Variants in AKAP1 observed in about 807,000 individuals in gnomAD.
AKAP1 encodes A-kinase anchor protein 1, mitochondrial.
AKAP1 carries 32 observed loss-of-function variants against 79.8 expected under a neutral mutation model. The observed-to-expected ratio is 0.40, with a 90% confidence interval of 0.30 to 0.54. The LOEUF (loss-of-function observed/expected upper bound fraction) is 0.54. AKAP1 is among the 20% of genes least tolerant of loss of function. The probability of loss-of-function intolerance (pLI) is 0.47; values close to 1 mark genes in which losing one functional copy is unlikely to be tolerated. For synonymous variants in AKAP1, 416 were observed against 466.7 expected (o/e 0.89, Z 1.40); for missense variants, 961 against 1,138.9 (o/e 0.84, Z 2.25).
chr17:57,099,744 G>A (rs1242950438), intron 1 of AKAP1, among the ~76,000 whole-genome samples: 4 of 152,180 alleles, frequency 2.6e-5, no homozygotes, highest in African/African-American at 9.7e-5. Flanking sequence ...GCAGAGATGG[G>A]TGTTGTGGCC....
Position 57,106,242 on chromosome 17 carries a change from G to A in AKAP1, c.778G>A (p.Glu260Lys). ...CCAGGTGGTGGGGCCAGTGCAGGAG[G>A]AAGAGTATGTAGCAGAGAAGTTGCC... Reference protein sequence around the residue: ...SSQVVGPVQEEEYVAEKLPSR... With the variant: ...SSQVVGPVQEKEYVAEKLPSR... Residue 260 changes from glutamate to lysine, a missense_variant, in exon 2 of 11, where the codon GAA (glutamate) becomes AAA (lysine). Coordinates refer to ENST00000337714, the MANE Select transcript of AKAP1 (RefSeq NM_003488.4). 6.2e-7 allele frequency: 1 copy of A among 1,614,214 alleles called. No homozygotes were observed. The highest frequency in any genetic ancestry group is 8.5e-7 in the Non-Finnish European group (1 of 1,180,040).
intron 2 of AKAP1, among the ~76,000 whole-genome samples, chr17:57,109,413 G>A (rs980188185): frequency 6.6e-6 from 1 of 152,214 alleles, no homozygotes; most frequent in African/African-American, 2.4e-5. Context: ...TCAGGCCTAA[G>A]CAAAGGGAAA....
intron 3 of AKAP1, among the ~76,000 whole-genome samples, chr17:57,111,295 C>T (rs906461381): frequency 2.6e-5 from 4 of 152,210 alleles, no homozygotes; most frequent in African/African-American, 9.7e-5. Context: ...CACTTGGCAG[C>T]GGGAGCCCAG....
chr17:57,106,949 C>T lies in AKAP1; in HGVS notation c.1485C>T (p.Ser495=). 6.2e-7 allele frequency: 1 copy of T among 1,614,060 alleles called. No homozygotes were observed. The highest frequency in any genetic ancestry group is 8.5e-7 in the Non-Finnish European group (1 of 1,179,892). Reference sequence around the variant, plus strand: ...GTGTCACCTGCATGTCAGACAGCAGCCAAAGTGTCCCTTTGGTGGCTTCTC... The same window carrying T: ...GTGTCACCTGCATGTCAGACAGCAGTCAAAGTGTCCCTTTGGTGGCTTCTC... ...ATCVTCMSDS[S]QSVPLVASPG... The change falls in exon 2 of 11, where the codon AGC becomes AGT. Residue 495 remains serine, a synonymous_variant. Transcript: ENST00000337714.
intron 3 of AKAP1, among the ~76,000 whole-genome samples, chr17:57,110,474 C>T (rs7211477): frequency 0.01 from 1,580 of 152,240 alleles, 30 homozygotes; most frequent in African/African-American, 0.035. Flanking sequence ...AAAAAAACAC[C>T]AAGGCCGTGG....
At position 57,103,265 on chromosome 17, in the gene AKAP1, A is replaced by G. The variant is rs1914639489; in HGVS notation, c.-24-2176A>G. 2.0e-5 allele frequency among the ~76,000 whole-genome samples: 3 copies of G among 152,248 alleles called. 1 individual carries two copies. The South Asian group carries it at 6.2e-4, about 32-fold the overall frequency. ...ATCTTTAAAGATATAGGGACTTTCA[A>G]ATGGAGGTGACCTTCTCACTACCAC... On this transcript the variant is annotated intron_variant, in intron 1 of 10. Transcript: ENST00000337714.
At chr17:57,100,761 A>G (rs1465281949) in intron 1 of AKAP1, among the ~76,000 whole-genome samples, 2 of 152,034 alleles carry the variant, frequency 1.3e-5, no homozygotes, top group Non-Finnish European at 2.9e-5. Context: ...TCCCCTATCC[A>G]TTGCAGCCTT....
rs527535254 is a variant in AKAP1 at position 57,114,626 on chromosome 17, C to A, written c.2271C>A (p.Thr757=). The A allele has an allele frequency of 3.1e-6, 5 of 1,613,872 alleles. No individual in the cohort carries two copies. Among genetic ancestry groups the A allele is most frequent in the Non-Finnish European group, 3.4e-6 (4 of 1,179,934 alleles). ...YSQPGIPTLP[T]PVEITVICAA... is the part of the protein sequence containing the mutation. Reference sequence around the variant, plus strand: ...AGCCTGGAATCCCCACCTTGCCCACCCCAGTGGAAAGTAAGCAGTGCCCTG... The same window carrying A: ...AGCCTGGAATCCCCACCTTGCCCACACCAGTGGAAAGTAAGCAGTGCCCTG... The change falls in exon 6 of 11, where the codon ACC becomes ACA. Residue 757 remains threonine (T), a synonymous_variant. Coordinates refer to ENST00000337714, the MANE Select transcript of AKAP1 (RefSeq NM_003488.4).
Position 57,118,976 on chromosome 17 carries a change from C to G in AKAP1, c.2575-6C>G. On this transcript the variant is annotated splice_polypyrimidine_tract_variant and splice_region_variant and intron_variant, in intron 9 of 10. Coordinates refer to ENST00000337714, the MANE Select transcript of AKAP1 (RefSeq NM_003488.4). The stretch of plus-strand genomic sequence containing the variant: ...CCATATTATTCTTTCCACCCCCCTT[C>G]TTCAGGTGACAAGTTACAGTCCAAC... 1 of 1,613,292 alleles carries G rather than the reference C, an allele frequency of 6.2e-7. No individual in the cohort carries two copies. Among genetic ancestry groups the G allele is most frequent in the Non-Finnish European group, 8.5e-7 (1 of 1,179,296 alleles).
At chr17:57,120,101 C>T in intron 10 of AKAP1, 149 bp from the exon 11 acceptor site, 2 of 636,708 alleles carry the variant, frequency 3.1e-6, no homozygotes, top group Non-Finnish European at 5.4e-6. Context: ...GCTAGGATTA[C>T]AGGCATGAGC....
rs939853226 is a variant in AKAP1, at chr17:57,086,401, C to A, written c.-25+1003C>A. ...GGGATAGGAGAAGAAAGGTGCTGATCGTGGTAGGCGGTGCTGTGGCGACTC... is the reference window on the plus strand; with the variant it reads ...GGGATAGGAGAAGAAAGGTGCTGATAGTGGTAGGCGGTGCTGTGGCGACTC... On this transcript the variant is annotated intron_variant, in intron 1 of 10. Transcript: ENST00000337714. This position sits in a 1 kb window ranked among gnomAD's most constrained non-coding sequence, Gnocchi z 5.1. 4 of 455,768 alleles carry A rather than the reference C, an allele frequency of 8.8e-6. No homozygotes were observed. In the Admixed American group the frequency reaches 9.4e-5, roughly 11 times the overall value. The allele number at this position is 455,768 out of a possible 1,614,324, so 28.2% of individuals were successfully genotyped here.
intron 1 of AKAP1, among the ~76,000 whole-genome samples, chr17:57,089,236 C>T (rs895815378): frequency 2.0e-5 from 3 of 152,124 alleles, no homozygotes; most frequent in African/African-American, 7.2e-5. Context: ...TGTGTTTGGG[C>T]TGGGGAGCAC....
chr17:57,109,122 G>A (rs1308887371), intron 2 of AKAP1, among the ~76,000 whole-genome samples: 1 of 152,224 alleles, frequency 6.6e-6, no homozygotes, highest in Admixed American at 6.5e-5. Flanking sequence ...TATACTCAGG[G>A]TTTGGAGAAA....
At position 57,107,103 on chromosome 17, in the gene AKAP1, G is replaced by T; in HGVS notation, c.1639G>T (p.Val547Leu). 1.2e-6 allele frequency: 2 copies of T among 1,614,168 alleles called. No homozygotes were observed. The highest frequency in any genetic ancestry group is 1.7e-6 in the Non-Finnish European group (2 of 1,180,012). The part of the protein sequence containing the change: ...PESTVPFSNG[V>L]LKGELSDLGA... ...AAGTACTGTGCCCTTCAGCAATGGG[G>T]TGCTGAAGGGGGAGTTGTCAGACTT... Residue 547 changes from valine (V) to leucine (L), a missense_variant, in exon 2 of 11, where the codon GTG becomes TTG. Val to Leu is a conservative substitution (Grantham distance 32). Transcript: ENST00000337714.
rs1245430290 is a variant in AKAP1 at position 57,105,751 on chromosome 17, T to C, written c.287T>C (p.Leu96Pro). The C allele has an allele frequency of 6.2e-7, 1 of 1,614,046 alleles. No individual in the cohort carries two copies. Among genetic ancestry groups the C allele is most frequent in the Non-Finnish European group, 8.5e-7 (1 of 1,180,020 alleles). Residue 96 changes from leucine to proline, a missense_variant, in exon 2 of 11, where the codon CTC becomes CCC. Around this residue, in one of 3 missense-constraint regions of AKAP1, gnomAD observed 108 missense variants for 147.6 expected, o/e 0.73. Coordinates refer to ENST00000337714, the MANE Select transcript of AKAP1 (RefSeq NM_003488.4). ...CTGCCTGCAGAGCCCCCAGCATTGC[T>C]CCAGACACACCCACCTTGCCGAAGA... ...SKLPAEPPALLQTHPPCRRSE... is the reference protein window; with the variant it reads ...SKLPAEPPALPQTHPPCRRSE...
At position 57,105,626 on chromosome 17, in the gene AKAP1, C is replaced by G; in HGVS notation, c.162C>G (p.Ile54Met). ...GAVQLRADPA[I>M]KEPLPVEDVC... ...TGCAGCTGAGGGCTGACCCTGCCAT[C>G]AAGGAACCTCTCCCCGTGGAAGACG... is the stretch of plus-strand genomic sequence containing the variant. Residue 54 changes from isoleucine (I) to methionine (M), a missense_variant, in exon 2 of 11, where the codon ATC (isoleucine) becomes ATG (methionine). By Grantham distance (10) the Ile-to-Met change is conservative. Around this residue, in one of 3 missense-constraint regions of AKAP1, gnomAD observed 108 missense variants for 147.6 expected, o/e 0.73. Transcript: ENST00000337714. The G allele has an allele frequency of 6.2e-7, 1 of 1,614,104 alleles. No homozygotes were observed. The highest frequency in any genetic ancestry group is 1.1e-5 in the South Asian group (1 of 91,078).
chr17:57,121,166 A>G lies in AKAP1; in HGVS notation c.*842A>G, dbSNP rs1328568993. 2 of 151,932 alleles carry G rather than the reference A, an allele frequency of 1.3e-5. No homozygotes were observed. Among genetic ancestry groups the G allele is most frequent in the Non-Finnish European group, 2.9e-5 (2 of 67,980 alleles). 9.4% of individuals were successfully genotyped at this position (151,932 alleles called of 1,614,324 possible). A position where few individuals can be genotyped will look rare whatever the true frequency, so the allele number is the denominator to read the frequency against. ...TGGCTTCCTGCACACTGGACAGGTG[A>G]CTGTATGGTAGAGACTGTGATCTGG... On this transcript the variant is annotated 3_prime_UTR_variant, in exon 11 of 11. Coordinates refer to ENST00000337714, the MANE Select transcript of AKAP1 (RefSeq NM_003488.4).
chr17:57,110,256 A>C, intron 3 of AKAP1, 98 bp downstream of exon 3: 1 of 1,500,750 alleles, frequency 6.7e-7, no homozygotes, highest in East Asian at 2.3e-5. Flanking sequence ...TGGGAGAGGG[A>C]CAGTAAACCA....
At chr17:57,119,818 C>T (rs1276049242) in intron 10 of AKAP1, among the ~76,000 whole-genome samples, 2 of 82,152 alleles carry the variant, frequency 2.4e-5, no homozygotes, top group African/African-American at 5.0e-5. Context: ...CCATGTCCCC[C>T]ACCCTGTTAC....
Sources: gnomAD v4.1 joint callset for allele counts (sites outside exome capture counted in the v4.1 genomes callset) on GRCh38, gnomAD v4.1.1 for gene constraint, gnomAD v4.1.1 regional missense constraint, Gnocchi (gnomAD v3.1) non-coding constraint, MANE v1.5 for transcripts, NCBI Gene and HGNC (gene_info 2026-07-23, HGNC 2026-07-21) for gene names.